Variants in LANCL1 observed in about 807,000 individuals in gnomAD.
LANCL1 encodes LanC like glutathione S-transferase 1, also known as glutathione S-transferase LANCL1.
LANCL1 carries 50 observed loss-of-function variants against 50.6 expected under a neutral mutation model. The observed-to-expected ratio is 0.99, with a 90% CI of 0.79 to 1.25. The LOEUF is 1.25. LANCL1 is among the 50% of genes most tolerant of loss of function. The pLI is 0.00. For synonymous variants in LANCL1, 188 were observed against 178.6 expected (o/e 1.05, Z -0.42); for missense variants, 532 against 480.7 (o/e 1.11, Z -1.00).
chr2:210,471,281 G>A (rs1254778589), intron 3 of LANCL1, among the ~76,000 whole-genome samples: 3 of 132,298 alleles, frequency 2.3e-5, no homozygotes, highest in East Asian at 2.3e-4. Flanking sequence ...TCTTGACCTC[G>A]TGATCCACCC....
At chr2:210,463,107 G>A (rs1693918813) in intron 3 of LANCL1, among the ~76,000 whole-genome samples, 1 of 152,148 alleles carries the variant, frequency 6.6e-6, no homozygotes, top group African/African-American at 2.4e-5. Flanking sequence ...CCTTAACATT[G>A]TCACTAGCTC....
intron 4 of LANCL1, among the ~76,000 whole-genome samples, chr2:210,454,527 A>C (rs1446112950): frequency 6.6e-6 from 1 of 152,202 alleles, no homozygotes; most frequent in East Asian, 1.9e-4. Context: ...AGTGGAGCCT[A>C]AGAGCGATGC....
Position 210,434,420 on chromosome 2 carries a change from G to A in LANCL1, c.*67C>T. ...TTTGTTTCCTTGGAAAGCAACGGAA[G>A]CACTTAGCTTGGGTTTGAATATACA... On this transcript the variant is annotated 3_prime_UTR_variant, in exon 10 of 10. Coordinates refer to ENST00000450366, the MANE Select transcript of LANCL1 (RefSeq NM_006055.3). 8.5e-7 allele frequency: 1 copy of A among 1,182,812 alleles called. No individual in the cohort carries two copies. The highest frequency in any genetic ancestry group is 1.2e-6 in the Non-Finnish European group (1 of 816,330). 73.3% of individuals were successfully genotyped at this position (1,182,812 alleles called of 1,614,324 possible). A position where few individuals can be genotyped will look rare whatever the true frequency, so the allele number is the denominator to read the frequency against.
intron 4 of LANCL1, among the ~76,000 whole-genome samples, chr2:210,453,621 G>T (rs1208057643): frequency 5.9e-5 from 9 of 152,132 alleles, no homozygotes; most frequent in Non-Finnish European, 7.3e-5. Flanking sequence ...AGAATATTGG[G>T]AGCACTACAA....
At chr2:210,436,468 A>G in intron 7 of LANCL1, 76 bp from the exon 8 acceptor site, 1 of 1,368,032 alleles carries the variant, frequency 7.3e-7, no homozygotes, top group East Asian at 2.3e-5. Flanking sequence ...CTGATAGATA[A>G]GAAGGAAAGA....
At chr2:210,476,216 T>TA in intron 2 of LANCL1, 100 bp downstream of exon 2, 2 of 702,358 alleles carry the variant, frequency 2.8e-6, no homozygotes, top group Non-Finnish European at 4.9e-6. Context: ...ATCATGTATT[T>TA]TTTTAAAGGG....
chr2:210,457,780 T>C (rs1419712176), intron 3 of LANCL1, among the ~76,000 whole-genome samples: 1 of 152,214 alleles, frequency 6.6e-6, no homozygotes, highest in Non-Finnish European at 1.5e-5. Context: ...AAGTTTTCTA[T>C]GTCAGATATT....
chr2:210,467,169 T>A (rs2105923186), intron 3 of LANCL1, among the ~76,000 whole-genome samples: 1 of 152,346 alleles, frequency 6.6e-6, no homozygotes, highest in East Asian at 1.9e-4. Flanking sequence ...TCAATACTGC[T>A]TTTTACTTCA....
At chr2:210,461,090 G>A (rs139426291) in intron 3 of LANCL1, among the ~76,000 whole-genome samples, 25 of 152,214 alleles carry the variant, frequency 1.6e-4, no homozygotes, top group Non-Finnish European at 3.7e-4. Context: ...CTGGGTGTTG[G>A]CTGTAAAAGT....
At chr2:210,461,182 GC>G (rs138449186) in intron 3 of LANCL1, among the ~76,000 whole-genome samples, 2,344 of 151,634 alleles carry the variant, frequency 0.015, 28 homozygotes, top group Non-Finnish European at 0.024. Context: ...GTTCACTCAA[GC>G]CCAATGGTGG....
At chr2:210,453,128 T>C (rs1321347283) in intron 4 of LANCL1, among the ~76,000 whole-genome samples, 2 of 152,208 alleles carry the variant, frequency 1.3e-5, no homozygotes, top group East Asian at 3.8e-4. Flanking sequence ...TATTTTCCTA[T>C]TATATTCACA....
Position 210,432,377 on chromosome 2 carries a change from G to A in LANCL1, c.*2110C>T, listed in dbSNP as rs895345548. The A allele has an allele frequency of 2.6e-5, 4 of 152,150 alleles. No individual in the cohort carries two copies. Among genetic ancestry groups the A allele is most frequent in the Non-Finnish European group, 2.9e-5 (2 of 68,028 alleles). The allele number at this position is 152,150 out of a possible 1,614,324, so 9.4% of individuals were successfully genotyped here. A position where few individuals can be genotyped will look rare whatever the true frequency, so the allele number is the denominator to read the frequency against. Reference sequence around the variant, plus strand: ...AGTAGCTAACCCATTTATGCTGGGGGTTGCAATTTTTTGTGTGAAAAATCA... The same window carrying A: ...AGTAGCTAACCCATTTATGCTGGGGATTGCAATTTTTTGTGTGAAAAATCA... On this transcript the variant is annotated 3_prime_UTR_variant, in exon 10 of 10. Coordinates refer to ENST00000450366, the MANE Select transcript of LANCL1 (RefSeq NM_006055.3).
Position 210,472,050 on chromosome 2 carries a change from C to G in LANCL1, c.108G>C (p.Leu36Phe). 1 of 1,614,050 alleles carries G rather than the reference C, an allele frequency of 6.2e-7. No homozygotes were observed. Among genetic ancestry groups the G allele is most frequent in the East Asian group, 2.2e-5 (1 of 44,884 alleles). The change falls in exon 3 of 10, where the codon TTG becomes TTC. Residue 36 changes from leucine to phenylalanine, a missense_variant. Physicochemically the swap from Leu to Phe is conservative, Grantham distance 22. Coordinates refer to ENST00000450366, the MANE Select transcript of LANCL1 (RefSeq NM_006055.3). The stretch of plus-strand genomic sequence containing the variant: ...GAAGAAGCTCCCGAATCTTATTGGT[C>G]AAGCGTTGTGAGAACTCAGGAGTCA... ...GRLTPEFSQR[L>F]TNKIRELLQQ...
chr2:210,474,739 A>AAAATAAAAATAAATAAATAAATAAAT, intron 2 of LANCL1, among the ~76,000 whole-genome samples: 2 of 148,094 alleles, frequency 1.4e-5, no homozygotes, highest in East Asian at 2.0e-4. Context: ...AATAAAAATA[A>AAAATAAAAATAAATAAATAAATAAAT]AAATAAATAA....
chr2:210,474,350 C>T (rs893610271), intron 2 of LANCL1, among the ~76,000 whole-genome samples: 2 of 152,088 alleles, frequency 1.3e-5, no homozygotes, highest in East Asian at 1.9e-4. Flanking sequence ...CCAAAAACTA[C>T]GTTAGGCAAT....
chr2:210,434,630 T>TC (rs2105880567), intron 9 of LANCL1, 67 bp from the exon 10 acceptor site: 3 of 1,271,648 alleles, frequency 2.4e-6, no homozygotes, highest in Non-Finnish European at 3.4e-6. Context: ...TGGTTCTTTT[T>TC]CCCCCATATC....
Position 210,440,611 on chromosome 2 carries a change from T to C in LANCL1, c.677A>G (p.Tyr226Cys). The change falls in exon 6 of 10, where the codon TAC becomes TGC. Residue 226 changes from tyrosine to cysteine, a missense_variant. Tyr to Cys is a radical substitution (Grantham distance 194). Coordinates refer to ENST00000450366, the MANE Select transcript of LANCL1 (RefSeq NM_006055.3). ...GAAHGLAGIY[Y>C]YLMQPSLQVS... Reference sequence around the variant, plus strand: ...ATCACTCCTTACCTGCATCAGGTAGTAATAAATTCCAGCCAGGCCATGAGC... The same window carrying C: ...ATCACTCCTTACCTGCATCAGGTAGCAATAAATTCCAGCCAGGCCATGAGC... 1 of 1,612,920 alleles carries C rather than the reference T, an allele frequency of 6.2e-7. No individual in the cohort carries two copies. The highest frequency in any genetic ancestry group is 8.5e-7 in the Non-Finnish European group (1 of 1,179,628).
At chr2:210,463,463 C>T (rs148814478) in intron 3 of LANCL1, among the ~76,000 whole-genome samples, 5 of 152,202 alleles carry the variant, frequency 3.3e-5, no homozygotes, top group African/African-American at 9.6e-5. Flanking sequence ...TATTGGTGTA[C>T]GTGCCTGCAC....
chr2:210,464,972 CA>C (rs751226712), intron 3 of LANCL1, among the ~76,000 whole-genome samples: 125 of 31,874 alleles, frequency 3.9e-3, no homozygotes, highest in African/African-American at 9.4e-3. Context: ...GACTCCGTCT[CA>C]AAAAAAAAAA....
Sources: allele counts gnomAD v4.1 joint callset (sites outside exome capture counted in the v4.1 genomes callset), GRCh38; gene constraint gnomAD v4.1.1; transcripts MANE v1.5; gene names NCBI Gene and HGNC (gene_info 2026-07-23, HGNC 2026-07-21).